The following BCO2 variants were observed in gnomAD, a reference collection of about 807,000 sequenced individuals.
BCO2 encodes beta-carotene oxygenase 2, also known as carotenoid-cleaving dioxygenase, mitochondrial.
A neutral mutation model predicts 65.8 loss-of-function variants in BCO2; 56 were observed. The ratio of observed to expected loss-of-function variants is 0.85; its 90% CI spans 0.69 to 1.06. The LOEUF (loss-of-function observed/expected upper bound fraction) is 1.06. BCO2 is among the 50% of genes least tolerant of loss of function. The pLI, the probability that BCO2 is intolerant of heterozygous loss-of-function variation, is 0.00. For synonymous variants in BCO2, 233 were observed against 242.3 expected, an observed-to-expected ratio of 0.96 and a Z score of 0.36; for missense variants, 675 against 698.5, an observed-to-expected ratio of 0.97 and a Z score of 0.38.
At position 112,217,888 on chromosome 11, in the gene BCO2, A is replaced by ATG; in HGVS notation, c.*14_*15insTG. 6.4e-7 allele frequency: 1 copy of ATG among 1,550,550 alleles called. No homozygotes were observed. The highest frequency in any genetic ancestry group is 8.8e-7 in the Non-Finnish European group (1 of 1,130,946). The stretch of plus-strand genomic sequence containing the variant: ...ATACCCATCTGATGGGACAACCACA[A>ATG]GGTCTGGAAACTAGGTTTAAAATAA... On this transcript the variant is annotated 3_prime_UTR_variant, in exon 12 of 12. Coordinates refer to ENST00000357685, the MANE Select transcript of BCO2 (RefSeq NM_031938.7).
intron 4 of BCO2, chr11:112,194,451 G>A: frequency 1.9e-6 from 1 of 513,366 alleles, no homozygotes. Flanking sequence ...TGTTAGTAGT[G>A]GTGATGTGTT....
intron 1 of BCO2, chr11:112,176,528 G>GGGGGGAA (rs71060227): frequency 1.2e-5 from 1 of 81,124 alleles, no homozygotes; most frequent in African/African-American, 4.5e-5. Context: ...GGGGGGGGGG[G>GGGGGGAA]AATTAAACAT....
intron 5 of BCO2, among the ~76,000 whole-genome samples, chr11:112,199,495 GT>G (rs1867671333): frequency 1.3e-5 from 2 of 150,332 alleles, no homozygotes; most frequent in Non-Finnish European, 3.0e-5. Context: ...TTGGATGTCT[GT>G]TTCAAAACGT....
rs914755089 is a variant in BCO2, at chr11:112,214,855, A to G, written c.1426A>G (p.Lys476Glu). 2 of 1,614,008 alleles carry G rather than the reference A, an allele frequency of 1.2e-6. No individual in the cohort carries two copies. Among genetic ancestry groups the G allele is most frequent in the African/African-American group, 2.7e-5 (2 of 74,948 alleles). ...PQIYYDRFSG[K>E]KYHFFYGCGF... Reference sequence around the variant, plus strand: ...GATCTACTATGATCGATTCAGTGGCAAAAAGTATCATTTCTTTTATGGCTG... The same window carrying G: ...GATCTACTATGATCGATTCAGTGGCGAAAAGTATCATTTCTTTTATGGCTG... The change falls in exon 10 of 12, where the codon AAA becomes GAA. Residue 476 changes from lysine (K) to glutamate (E), a missense_variant. Coordinates refer to ENST00000357685, the MANE Select transcript of BCO2 (RefSeq NM_031938.7).
intron 5 of BCO2, among the ~76,000 whole-genome samples, chr11:112,196,808 T>C (rs1312159272): frequency 6.8e-6 from 1 of 147,584 alleles, no homozygotes; most frequent in African/African-American, 2.4e-5. Flanking sequence ...CACCACCTCC[T>C]CCTTTCCTCC....
intron 3 of BCO2, 45 bp from the exon 4 acceptor site, chr11:112,193,834 T>C: frequency 6.9e-7 from 1 of 1,454,984 alleles, no homozygotes; most frequent in Non-Finnish European, 9.7e-7. Flanking sequence ...TAGCGTCGTC[T>C]ACAGTAAGCT....
At chr11:112,196,050 G>A (rs981386368) in intron 5 of BCO2, among the ~76,000 whole-genome samples, 2 of 152,200 alleles carry the variant, frequency 1.3e-5, no homozygotes, top group Non-Finnish European at 2.9e-5. Flanking sequence ...TCAGCTGACA[G>A]TATTGGGCAG....
chr11:112,207,698 T>C (rs1859385151), intron 8 of BCO2, among the ~76,000 whole-genome samples: 1 of 152,220 alleles, frequency 6.6e-6, no homozygotes, highest in South Asian at 2.1e-4. Context: ...TATGGTCACA[T>C]TTTAATTCTA....
intron 2 of BCO2, chr11:112,181,445 T>G: frequency 3.1e-6 from 2 of 648,176 alleles, no homozygotes; most frequent in Non-Finnish European, 5.8e-6. Context: ...CCTCCCAAAG[T>G]GCTGGGATTA....
chr11:112,181,695 C>A (rs541314513), intron 2 of BCO2: 19 of 976,486 alleles, frequency 1.9e-5, no homozygotes, highest in Non-Finnish European at 3.0e-5. Flanking sequence ...GGAATTTGTC[C>A]GATTTTTACT....
At chr11:112,216,442 T>C in intron 11 of BCO2, 112 bp downstream of exon 11, 1 of 718,656 alleles carries the variant, frequency 1.4e-6, no homozygotes, top group Admixed American at 2.5e-5. Context: ...TTTTCCCTTC[T>C]CTTCCCCTCC....
rs1473736706 is a variant in BCO2, at chr11:112,218,448, G to A, written c.*574G>A. ...GTGCAATTTGTGAAGCTGCCAAAGC[G>A]TTAGACAAGCACCAAGCCCACTTTT... On this transcript the variant is annotated 3_prime_UTR_variant, in exon 12 of 12. Coordinates refer to ENST00000357685, the MANE Select transcript of BCO2 (RefSeq NM_031938.7). The A allele has an allele frequency of 1.3e-5, 3 of 232,758 alleles. No homozygotes were observed. Among genetic ancestry groups the A allele is most frequent in the Admixed American group, 4.0e-5 (1 of 25,314 alleles). The allele number at this position is 232,758 out of a possible 1,614,324, so 14.4% of individuals were successfully genotyped here.
rs146858215 is a variant in BCO2 at position 112,213,860 on chromosome 11, C to A, written c.1331C>A (p.Thr444Lys). 1 of 1,561,332 alleles carries A rather than the reference C, an allele frequency of 6.4e-7. No homozygotes were observed. Among genetic ancestry groups the A allele is most frequent in the Non-Finnish European group, 8.7e-7 (1 of 1,153,222 alleles). ...SASAVKQADG[T>K]IWCSHENLHQ... ...AGTGCTGTGAAACAGGCTGATGGAA[C>A]GGTATGCTATGAACAGACATTAGAC... Residue 444 changes from threonine to lysine, a missense_variant and splice_region_variant, in exon 9 of 12, where the codon ACG (threonine) becomes AAG (lysine). Physicochemically the swap from Thr to Lys is moderately conservative, Grantham distance 78. Coordinates refer to ENST00000357685, the MANE Select transcript of BCO2 (RefSeq NM_031938.7).
rs566043937 is a variant in BCO2 at position 112,208,809 on chromosome 11, G to C, written c.1195-4915G>C. The stretch of plus-strand genomic sequence containing the variant: ...ATTTGTGGATGTACCAGACACTGCA[G>C]AAGTAATGAAAACATTACCTCAGAA... On this transcript the variant is annotated intron_variant, in intron 8 of 11. Coordinates refer to ENST00000357685, the MANE Select transcript of BCO2 (RefSeq NM_031938.7). The C allele has an allele frequency of 3.6e-5, 7 of 191,828 alleles. No homozygotes were observed. In the South Asian group the frequency reaches 6.7e-4, roughly 18 times the overall value. 11.9% of individuals were successfully genotyped at this position (191,828 alleles called of 1,614,324 possible).
chr11:112,197,047 C>T (rs1229226110), intron 5 of BCO2, among the ~76,000 whole-genome samples: 2 of 151,082 alleles, frequency 1.3e-5, no homozygotes, highest in African/African-American at 2.4e-5. Context: ...CTTGCTATGT[C>T]GCTCAGGCTG....
chr11:112,193,548 G>T lies in BCO2; in HGVS notation c.368G>T (p.Ser123Ile). Residue 123 changes from serine (S) to isoleucine (I), a missense_variant, in exon 3 of 12, where the codon AGC becomes ATC. By Grantham distance (142) the Ser-to-Ile change is moderately radical. Coordinates refer to ENST00000357685, the MANE Select transcript of BCO2 (RefSeq NM_031938.7). The part of the protein sequence containing the change: ...RMAKGTVTYR[S>I]KFLQSDTYKA... Reference sequence around the variant, plus strand: ...GCAAAGGGCACAGTGACATACAGGAGCAAGTTTCTACAGAGTGATACATAT... The same window carrying T: ...GCAAAGGGCACAGTGACATACAGGATCAAGTTTCTACAGAGTGATACATAT... 6.2e-7 allele frequency: 1 copy of T among 1,614,150 alleles called. No homozygotes were observed. The highest frequency in any genetic ancestry group is 8.5e-7 in the Non-Finnish European group (1 of 1,180,022).
chr11:112,184,498 C>T lies in BCO2; in HGVS notation c.293+5016C>T, dbSNP rs1454243284. ...TCGATCTCCTGACCTCGTGATCAGC[C>T]TGTCTTGGCCTCCCAAAGTGCTGAG... On this transcript the variant is annotated intron_variant, in intron 2 of 11. Transcript: ENST00000357685. Among the ~76,000 whole-genome samples, 4 of 152,196 alleles carry T rather than the reference C, an allele frequency of 2.6e-5. No individual in the cohort carries two copies. In the East Asian group the frequency reaches 5.8e-4, roughly 22 times the overall value.
intron 8 of BCO2, among the ~76,000 whole-genome samples, chr11:112,204,480 C>T (rs7932610): frequency 6.6e-6 from 1 of 152,084 alleles, no homozygotes; most frequent in African/African-American, 2.4e-5. Context: ...AACATGGATT[C>T]GAACTGCATG....
chr11:112,190,823 T>A (rs555556335), intron 2 of BCO2, among the ~76,000 whole-genome samples: 7 of 133,918 alleles, frequency 5.2e-5, no homozygotes, highest in South Asian at 4.6e-4. Flanking sequence ...GCCACTGCAC[T>A]CCAGCCTGGG....
Sources: gnomAD v4.1 joint callset for allele counts (sites outside exome capture counted in the v4.1 genomes callset) on GRCh38, gnomAD v4.1.1 for gene constraint, MANE v1.5 for transcripts, NCBI Gene and HGNC (gene_info 2026-07-23, HGNC 2026-07-21) for gene names.